The following PYGB variants were observed in gnomAD, a reference collection of about 807,000 sequenced individuals.
The protein encoded by PYGB is glycogen phosphorylase B.
PYGB carries 82 observed loss-of-function variants against 94.3 expected under a neutral mutation model. That is an observed-to-expected ratio of 0.87 (90% CI 0.73 to 1.04). The LOEUF (loss-of-function observed/expected upper bound fraction) is 1.04, where lower values mean the gene tolerates loss of function less well. PYGB is among the 50% of genes least tolerant of loss of function. The probability of loss-of-function intolerance (pLI) is 0.00; values close to 1 mark genes in which losing one functional copy is unlikely to be tolerated. For synonymous variants in PYGB, 488 were observed against 479.1 expected (o/e 1.02, Z -0.24); for missense variants, 1,132 against 1,158.2 (o/e 0.98, Z 0.33).
intron 11 of PYGB, among the ~76,000 whole-genome samples, chr20:25,281,345 A>G (rs978013512): frequency 4.6e-5 from 7 of 152,184 alleles, no homozygotes; most frequent in South Asian, 2.1e-4. Context: ...TCTGCGGGCA[A>G]CGGGGAGACG....
chr20:25,252,363 G>A (rs543714650), intron 1 of PYGB, among the ~76,000 whole-genome samples: 1 of 152,134 alleles, frequency 6.6e-6, no homozygotes, highest in Non-Finnish European at 1.5e-5. Context: ...TGTCCCTCTG[G>A]GGGGGTCGGG....
chr20:25,282,765 C>T (rs73103605), intron 12 of PYGB, among the ~76,000 whole-genome samples: 4 of 152,058 alleles, frequency 2.6e-5, no homozygotes, highest in South Asian at 2.1e-4. Context: ...GAGAGGTGGC[C>T]GAGTGTTTGC....
intron 5 of PYGB, among the ~76,000 whole-genome samples, chr20:25,276,401 C>T (rs1356898571): frequency 6.6e-6 from 1 of 152,002 alleles, no homozygotes; most frequent in African/African-American, 2.4e-5. Context: ...GAAGATAGGT[C>T]TGGTCTGGGG....
At chr20:25,285,770 A>G (rs2088412836) in intron 14 of PYGB, among the ~76,000 whole-genome samples, 1 of 151,824 alleles carries the variant, frequency 6.6e-6, no homozygotes, top group Non-Finnish European at 1.5e-5. Context: ...CAGCATCAAT[A>G]CTTTGCCCTT....
At chr20:25,295,238 G>A (rs1759882085) in intron 18 of PYGB, among the ~76,000 whole-genome samples, 1 of 152,258 alleles carries the variant, frequency 6.6e-6, no homozygotes, top group Non-Finnish European at 1.5e-5. Context: ...CCCAGCAAGT[G>A]CCCCCTGCCC....
rs2088314193 is a variant in PYGB, at chr20:25,276,652, C to T, written c.667C>T (p.Leu223=). ...GVKWLDTQVV[L]AMPYDTPVPG... Reference sequence around the variant, plus strand: ...CAACCCGTTTTGTGGCCAGGTGGTGCTGGCCATGCCCTACGACACCCCAGT... The same window carrying T: ...CAACCCGTTTTGTGGCCAGGTGGTGTTGGCCATGCCCTACGACACCCCAGT... Residue 223 remains leucine (L), a synonymous_variant, in exon 6 of 20, where the codon CTG becomes TTG. Transcript: ENST00000216962. The T allele has an allele frequency of 2.5e-6, 4 of 1,613,498 alleles. No individual in the cohort carries two copies. Among genetic ancestry groups the T allele is most frequent in the Non-Finnish European group, 2.5e-6 (3 of 1,179,688 alleles).
intron 12 of PYGB, 62 bp from the exon 13 acceptor site, chr20:25,283,114 G>A: frequency 7.1e-7 from 1 of 1,402,964 alleles, no homozygotes; most frequent in Non-Finnish European, 1.0e-6. Context: ...AGGGCAGGTG[G>A]CTAGGGGGCC....
intron 2 of PYGB, among the ~76,000 whole-genome samples, chr20:25,259,597 A>G (rs2092909280): frequency 6.6e-6 from 1 of 152,164 alleles, no homozygotes; most frequent in African/African-American, 2.4e-5. Context: ...TCTAGAGGCC[A>G]TCCCACACCC....
At chr20:25,273,250 G>A (rs1326668550) in intron 4 of PYGB, among the ~76,000 whole-genome samples, 4 of 152,204 alleles carry the variant, frequency 2.6e-5, no homozygotes, top group Non-Finnish European at 5.9e-5. Context: ...ACGACTCCTG[G>A]ACTAACTCTG....
At position 25,290,970 on chromosome 20, in the gene PYGB, AC is replaced by A. The variant is rs1458828470; in HGVS notation, c.1969+350del. 2.9e-5 allele frequency among the ~76,000 whole-genome samples: 4 copies of A among 136,666 alleles called. No homozygotes were observed. In the East Asian group the frequency reaches 8.6e-4, roughly 30 times the overall value. 89.7% of individuals were successfully genotyped at this position (136,666 alleles called of 152,430 possible). A position where few individuals can be genotyped will look rare whatever the true frequency, so the allele number is the denominator to read the frequency against. Reference sequence around the variant, plus strand: ...TGCCCTGGGCCCCTCTGCTGGCAGGACCTGCCTGGCCTGCCCTCTGTACCCT... The same window carrying A: ...TGCCCTGGGCCCCTCTGCTGGCAGGACTGCCTGGCCTGCCCTCTGTACCCT... On this transcript the variant is annotated intron_variant, in intron 16 of 19. Coordinates refer to ENST00000216962, the MANE Select transcript of PYGB (RefSeq NM_002862.4).
chr20:25,257,001 C>T (rs925830754), intron 1 of PYGB, among the ~76,000 whole-genome samples: 1 of 152,156 alleles, frequency 6.6e-6, no homozygotes, highest in South Asian at 2.1e-4. Flanking sequence ...TGAATGTGGT[C>T]CTCTCAGAGG....
At chr20:25,296,220 G>A (rs898502868) in intron 19 of PYGB, 150 bp from the exon 20 acceptor site, 20 of 976,278 alleles carry the variant, frequency 2.0e-5, no homozygotes, top group Non-Finnish European at 2.8e-5. Context: ...CCTTTTCAAC[G>A]AACAAGTGAT....
At chr20:25,265,592 ATTTTTTTTTT>A (rs34336965) in intron 2 of PYGB, among the ~76,000 whole-genome samples, 1 of 119,640 alleles carries the variant, frequency 8.4e-6, no homozygotes, top group South Asian at 2.6e-4. Context: ...TTGTTGTTGA[ATTTTTTTTTT>A]TTTTTTTTTT....
At chr20:25,294,741 T>G in intron 18 of PYGB, 2 of 628,370 alleles carry the variant, frequency 3.2e-6, no homozygotes. Flanking sequence ...CTTGCAACGA[T>G]GTGACATTAT....
chr20:25,296,849 T>G lies in PYGB; in HGVS notation c.*327T>G. 3.1e-6 allele frequency: 1 copy of G among 321,392 alleles called. No individual in the cohort carries two copies. The highest frequency in any genetic ancestry group is 5.8e-6 in the Non-Finnish European group (1 of 172,186). The allele number at this position is 321,392 out of a possible 1,614,324, so 19.9% of individuals were successfully genotyped here. A position where few individuals can be genotyped will look rare whatever the true frequency, so the allele number is the denominator to read the frequency against. ...GCTCCCCCAGAACTTTGCACACATC[T>G]TGCTATGTATTAGCCGATGTCTTTA... is the stretch of plus-strand genomic sequence containing the variant. On this transcript the variant is annotated 3_prime_UTR_variant, in exon 20 of 20. Coordinates refer to ENST00000216962, the MANE Select transcript of PYGB (RefSeq NM_002862.4).
rs1259961551 is a variant in PYGB, at chr20:25,266,539, G to C, written c.346-2590G>C. Among the ~76,000 whole-genome samples, 3 of 152,090 alleles carry C rather than the reference G, an allele frequency of 2.0e-5. No homozygotes were observed. In the East Asian group the frequency reaches 5.8e-4, roughly 29 times the overall value. Reference sequence around the variant, plus strand: ...AACCCAAGCAACGAAAGAAAAAATAGATACATTGGACTTCATCAAAATTAA... The same window carrying C: ...AACCCAAGCAACGAAAGAAAAAATACATACATTGGACTTCATCAAAATTAA... On this transcript the variant is annotated intron_variant, in intron 2 of 19. Transcript: ENST00000216962.
chr20:25,281,968 G>T, intron 11 of PYGB, 65 bp from the exon 12 acceptor site: 1 of 1,381,418 alleles, frequency 7.2e-7, no homozygotes, highest in South Asian at 1.2e-5. Flanking sequence ...AGGACTTTAA[G>T]GTCTGTTGCT....
chr20:25,251,117 C>A (rs1316150221), intron 1 of PYGB: 2 of 152,210 alleles, frequency 1.3e-5, no homozygotes, highest in African/African-American at 4.8e-5. Flanking sequence ...CAAATCAGCA[C>A]GTCAAAACAT....
intron 14 of PYGB, among the ~76,000 whole-genome samples, chr20:25,287,022 C>T (rs897557824): frequency 3.9e-5 from 6 of 152,230 alleles, no homozygotes; most frequent in Admixed American, 1.3e-4. Flanking sequence ...CACATCAGCC[C>T]GACTCCCTGC....
Sources: allele counts gnomAD v4.1 joint callset (sites outside exome capture counted in the v4.1 genomes callset), GRCh38; gene constraint gnomAD v4.1.1; transcripts MANE v1.5; gene names NCBI Gene and HGNC (gene_info 2026-07-23, HGNC 2026-07-21).